ANK2: variants seen among roughly 807,000 people sequenced by gnomAD.
ANK2 encodes the protein ankyrin 2.
ANK2 carries 83 observed loss-of-function variants against 360.5 expected under a neutral mutation model. The observed-to-expected ratio is 0.23, with a 90% CI of 0.19 to 0.28. The LOEUF is 0.28. ANK2 is among the 10% of genes least tolerant of loss of function. ANK2 has a pLI of 1.00. For missense variants in ANK2, 4,201 were observed against 4,795.7 expected, an observed-to-expected ratio of 0.88 and a Z score of 3.66; for synonymous variants, 1,740 against 1,759.5, an observed-to-expected ratio of 0.99 and a Z score of 0.28.
At chr4:112,853,031 C>T (rs927296386) in intron 1 of ANK2, among the ~76,000 whole-genome samples, 16 of 151,910 alleles carry the variant, frequency 1.1e-4, no homozygotes, top group Non-Finnish European at 1.6e-4. Flanking sequence ...GATCATGGCT[C>T]GCTACAGCCT....
intron 2 of ANK2, among the ~76,000 whole-genome samples, chr4:112,957,715 G>T (rs570142961): frequency 6.7e-6 from 1 of 149,266 alleles, no homozygotes; most frequent in Non-Finnish European, 1.5e-5. Context: ...CCTCCCTCCC[G>T]GACGGGGTGG....
intron 3 of ANK2, among the ~76,000 whole-genome samples, chr4:113,196,726 C>T (rs2098753148): frequency 6.6e-6 from 1 of 152,012 alleles, no homozygotes; most frequent in Admixed American, 6.6e-5. Context: ...TAAATGAGGT[C>T]TTGCTATGTT....
chr4:112,894,160 C>CT (rs113290307), intron 1 of ANK2, among the ~76,000 whole-genome samples: 2,946 of 149,354 alleles, frequency 0.02, 86 homozygotes, highest in African/African-American at 0.068. Context: ...TAGTTGGCTT[C>CT]TTTTAAAAAA....
intron 2 of ANK2, among the ~76,000 whole-genome samples, chr4:112,936,353 T>C (rs975749194): frequency 2.6e-5 from 4 of 151,992 alleles, no homozygotes; most frequent in Non-Finnish European, 4.4e-5. Context: ...ATTATCCTTT[T>C]TTTTTTTTTT....
At chr4:112,747,512 G>A in the ANK2 span, among the ~76,000 whole-genome samples, 21 of 152,318 alleles carry the variant, frequency 1.4e-4, no homozygotes, top group Non-Finnish European at 7.4e-5. Flanking sequence ...AGGGGGTGGA[G>A]TTCTCCTAGG....
the ANK2 span, among the ~76,000 whole-genome samples, chr4:112,724,226 G>T: frequency 6.6e-6 from 1 of 151,946 alleles, no homozygotes; most frequent in African/African-American, 2.4e-5. Context: ...CACCATGCCT[G>T]GTTAATTTTT....
chr4:112,919,792 C>G (rs1357375172), intron 2 of ANK2, among the ~76,000 whole-genome samples: 1 of 152,064 alleles, frequency 6.6e-6, no homozygotes, highest in Non-Finnish European at 1.5e-5. Context: ...CAAAAGCGAA[C>G]TTTAAGTGCA....
At chr4:112,722,840 T>C in the ANK2 span, among the ~76,000 whole-genome samples, 1 of 152,132 alleles carries the variant, frequency 6.6e-6, no homozygotes, top group Non-Finnish European at 1.5e-5. Context: ...GGCTCATGCC[T>C]GTAGTCCCAT....
chr4:113,155,448 T>A (rs990573762), intron 1 of ANK2, among the ~76,000 whole-genome samples: 2 of 152,120 alleles, frequency 1.3e-5, no homozygotes, highest in African/African-American at 4.8e-5. Context: ...AAGGAGACAT[T>A]GGAGAAATTT....
chr4:113,007,827 T>C (rs1490469972), intron 2 of ANK2, among the ~76,000 whole-genome samples: 1 of 152,158 alleles, frequency 6.6e-6, no homozygotes, highest in Non-Finnish European at 1.5e-5. Flanking sequence ...AAGCTAGTAT[T>C]GGAGTGGACT....
At chr4:113,066,012 C>A (rs2075449664) in intron 1 of ANK2, among the ~76,000 whole-genome samples, 1 of 152,136 alleles carries the variant, frequency 6.6e-6, no homozygotes, top group South Asian at 2.1e-4. Flanking sequence ...TTAAGACCAT[C>A]TTTAATTAGA....
chr4:112,706,137 C>G, the ANK2 span, among the ~76,000 whole-genome samples: 15 of 151,640 alleles, frequency 9.9e-5, no homozygotes, highest in African/African-American at 3.1e-4. Flanking sequence ...AACCCGGAGC[C>G]GCAGGAAGAT....
At chr4:112,753,969 A>G in the ANK2 span, among the ~76,000 whole-genome samples, 1 of 151,680 alleles carries the variant, frequency 6.6e-6, no homozygotes, top group African/African-American at 2.4e-5. Flanking sequence ...GTGGTGGCAC[A>G]TGCCTGTAAT....
chr4:113,301,342 T>C (rs1242147077), intron 22 of ANK2, among the ~76,000 whole-genome samples: 2 of 151,236 alleles, frequency 1.3e-5, no homozygotes, highest in Admixed American at 6.6e-5. Context: ...CAAATAAAAA[T>C]TGTACATATT....
upstream of ANK2, among the ~76,000 whole-genome samples, chr4:113,045,229 A>G (rs1272113876): frequency 6.6e-6 from 1 of 152,222 alleles, no homozygotes; most frequent in Non-Finnish European, 1.5e-5. Flanking sequence ...GAAAATTAGA[A>G]TAATCACCTC....
At chr4:113,124,690 A>G (rs984331801) in intron 1 of ANK2, among the ~76,000 whole-genome samples, 1 of 152,210 alleles carries the variant, frequency 6.6e-6, no homozygotes, top group Non-Finnish European at 1.5e-5. Flanking sequence ...CAACTTTGCC[A>G]GGGAAAACTC....
At position 113,359,232 on chromosome 4, in the gene ANK2, T is replaced by G. The variant is rs756441586; in HGVS notation, c.10614T>G (p.Ile3538Met). 2.5e-6 allele frequency: 4 copies of G among 1,613,838 alleles called. No homozygotes were observed. The highest frequency in any genetic ancestry group is 1.7e-6 in the Non-Finnish European group (2 of 1,179,814). ...AGGACATCTTTGACACAAGGCCCAT[T>G]TGGGATGAGTCTATTGAGACTCTGA... is the stretch of plus-strand genomic sequence containing the variant. ...VPEDIFDTRP[I>M]WDESIETLIE... is the part of the protein sequence containing the mutation. The change falls in exon 38 of 46, where the codon ATT becomes ATG. Residue 3538 changes from isoleucine to methionine, a missense_variant. Ile to Met is a conservative substitution (Grantham distance 10). Around this residue, in one of 4 missense-constraint regions of ANK2, gnomAD observed 2,642 missense variants for 2,714.5 expected, o/e 0.97. Coordinates refer to ENST00000357077, the MANE Select transcript of ANK2 (RefSeq NM_001148.6).
chr4:113,351,499 G>T (rs1345544088), intron 37 of ANK2, among the ~76,000 whole-genome samples: 2 of 152,008 alleles, frequency 1.3e-5, no homozygotes, highest in East Asian at 3.8e-4. Flanking sequence ...TTCACATACT[G>T]TATCTTCTCA....
intron 14 of ANK2, among the ~76,000 whole-genome samples, chr4:113,269,728 TGCCAGCCTCCG>T (rs1276539372): frequency 2.6e-5 from 4 of 152,230 alleles, no homozygotes; most frequent in Admixed American, 2.6e-4. Flanking sequence ...TCAGCCATCT[TGCCAGCCTCCG>T]GCCACTTCCA....
Sources: gnomAD v4.1 joint callset for allele counts (sites outside exome capture counted in the v4.1 genomes callset) on GRCh38, gnomAD v4.1.1 for gene constraint, gnomAD v4.1.1 regional missense constraint, MANE v1.5 for transcripts, NCBI Gene and HGNC (gene_info 2026-07-23, HGNC 2026-07-21) for gene names.